The following SPAG17 variants were observed in gnomAD, a reference collection of about 807,000 sequenced individuals.
SPAG17 encodes sperm associated antigen 17, also known as sperm-associated antigen 17.
A neutral mutation model predicts 273.6 loss-of-function variants in SPAG17; 169 were observed. The ratio of observed to expected loss-of-function variants is 0.62; its 90% confidence interval spans 0.55 to 0.70. The LOEUF is 0.70. Ranked by LOEUF, SPAG17 falls within the 30% of genes least tolerant of loss-of-function variation. The pLI is 0.00. For synonymous variants in SPAG17, 825 were observed against 873.2 expected (o/e 0.94, Z 0.97); for missense variants, 2,557 against 2,627.8 (o/e 0.97, Z 0.59).
At chr1:118,010,982 A>G (rs1001957487) in intron 30 of SPAG17, among the ~76,000 whole-genome samples, 2 of 152,224 alleles carry the variant, frequency 1.3e-5, no homozygotes, top group African/African-American at 4.8e-5. Context: ...GCTCAACATC[A>G]CTGAACATTA....
chr1:118,134,617 C>T (rs1658237575), intron 3 of SPAG17, among the ~76,000 whole-genome samples: 1 of 152,196 alleles, frequency 6.6e-6, no homozygotes, highest in African/African-American at 2.4e-5. Context: ...GCATATTACT[C>T]CCCTGCTCAG....
At chr1:117,993,962 G>A (rs4144543) in intron 35 of SPAG17, among the ~76,000 whole-genome samples, 85,710 of 151,964 alleles carry the variant, frequency 0.56, 24,720 homozygotes, top group African/African-American at 0.68. Flanking sequence ...CCTTCATATT[G>A]TTCTTAGATG....
intron 32 of SPAG17, among the ~76,000 whole-genome samples, chr1:117,999,775 C>T (rs1158373141): frequency 6.6e-6 from 1 of 152,078 alleles, no homozygotes; most frequent in South Asian, 2.1e-4. Context: ...CTGTAGGTTG[C>T]CTGTTCACTC....
At chr1:118,036,601 G>GACACACAC (rs35746934) in intron 24 of SPAG17, 169 bp downstream of exon 24, 10 of 497,368 alleles carry the variant, frequency 2.0e-5, no homozygotes, top group East Asian at 1.7e-4. Context: ...CACATATATA[G>GACACACAC]ACACACACAC....
At chr1:118,173,664 A>G (rs1660519559) in intron 1 of SPAG17, among the ~76,000 whole-genome samples, 1 of 152,116 alleles carries the variant, frequency 6.6e-6, no homozygotes, top group Non-Finnish European at 1.5e-5. Context: ...ATATGGGAGA[A>G]CTTTGTTTTT....
At chr1:117,995,855 C>A (rs1408754441) in intron 34 of SPAG17, among the ~76,000 whole-genome samples, 2 of 151,958 alleles carry the variant, frequency 1.3e-5, no homozygotes, top group Non-Finnish European at 2.9e-5. Context: ...TATCTCTAAC[C>A]TCTGGCAAAC....
intron 3 of SPAG17, among the ~76,000 whole-genome samples, chr1:118,139,235 G>C (rs1314064917): frequency 6.6e-6 from 1 of 152,020 alleles, no homozygotes; most frequent in African/African-American, 2.4e-5. Context: ...TAATTATTAG[G>C]GAAATGCAAA....
chr1:118,149,790 T>C (rs1158225355), intron 3 of SPAG17, among the ~76,000 whole-genome samples: 1 of 152,264 alleles, frequency 6.6e-6, no homozygotes, highest in Non-Finnish European at 1.5e-5. Context: ...CTTTATGTTT[T>C]AGGTCGGCTG....
At chr1:118,013,891 C>T (rs1659714875) in intron 29 of SPAG17, among the ~76,000 whole-genome samples, 2 of 152,050 alleles carry the variant, frequency 1.3e-5, no homozygotes, top group African/African-American at 2.4e-5. Flanking sequence ...CTATTATCTC[C>T]AGTTTATGAA....
intron 4 of SPAG17, among the ~76,000 whole-genome samples, chr1:118,108,987 T>C (rs1656585551): frequency 6.6e-6 from 1 of 152,234 alleles, no homozygotes. Context: ...TATTGGATGC[T>C]TCAAAATATT....
At chr1:118,020,493 T>A (rs1299437083) in intron 28 of SPAG17, among the ~76,000 whole-genome samples, 1 of 151,446 alleles carries the variant, frequency 6.6e-6, no homozygotes, top group Non-Finnish European at 1.5e-5. Context: ...AAAGGTTAAA[T>A]TAGTGAAGAT....
intron 1 of SPAG17, among the ~76,000 whole-genome samples, chr1:118,176,970 T>C (rs953113358): frequency 3.3e-5 from 5 of 151,780 alleles, no homozygotes; most frequent in African/African-American, 1.2e-4. Flanking sequence ...AATGAAAAAA[T>C]TAAGAACATT....
At chr1:117,962,064 A>G (rs549519385) in intron 48 of SPAG17, 2 of 151,954 alleles carry the variant, frequency 1.3e-5, no homozygotes, top group East Asian at 1.9e-4. Flanking sequence ...TACATCATCA[A>G]TAATTACTCT....
intron 12 of SPAG17, 146 bp from the exon 13 acceptor site, chr1:118,086,218 G>C: frequency 1.3e-6 from 1 of 781,836 alleles, no homozygotes; most frequent in Non-Finnish European, 2.0e-6. Flanking sequence ...CAAACTTTTG[G>C]GATTTTGCTG....
chr1:118,110,071 C>T (rs575944878), intron 4 of SPAG17, among the ~76,000 whole-genome samples: 1 of 152,242 alleles, frequency 6.6e-6, no homozygotes, highest in African/African-American at 2.4e-5. Flanking sequence ...CATTTTTAAA[C>T]ATTAATCCAA....
chr1:118,046,868 T>A (rs1360338920), intron 20 of SPAG17, among the ~76,000 whole-genome samples: 1 of 151,984 alleles, frequency 6.6e-6, no homozygotes, highest in African/African-American at 2.4e-5. Context: ...GAAAATAAAC[T>A]TAATACAAAG....
intron 15 of SPAG17, among the ~76,000 whole-genome samples, 161 bp from the exon 16 acceptor site, chr1:118,074,761 A>C (rs1653938194): frequency 6.6e-6 from 1 of 152,250 alleles, no homozygotes; most frequent in Non-Finnish European, 1.5e-5. Flanking sequence ...GTTTGTGTCC[A>C]TAATTCTAAA....
chr1:117,963,532 T>G (rs1489828362), intron 48 of SPAG17: 2 of 191,614 alleles, frequency 1.0e-5, no homozygotes, highest in African/African-American at 4.6e-5. Context: ...CTTGGCTGAT[T>G]TTTTCTATTG....
At chr1:118,105,282 G>A (rs1430212781) in intron 4 of SPAG17, among the ~76,000 whole-genome samples, 2 of 152,146 alleles carry the variant, frequency 1.3e-5, no homozygotes, top group African/African-American at 4.8e-5. Flanking sequence ...GTCAGAGAGT[G>A]GGGGAGCAAG....
Sources: allele counts gnomAD v4.1 joint callset (sites outside exome capture counted in the v4.1 genomes callset), GRCh38; gene constraint gnomAD v4.1.1; transcripts MANE v1.5; gene names NCBI Gene and HGNC (gene_info 2026-07-23, HGNC 2026-07-21).